The following TRAK1 variants were observed in gnomAD, a reference collection of about 807,000 sequenced individuals.
TRAK1 encodes trafficking kinesin-binding protein 1.
A neutral mutation model predicts 92.1 loss-of-function variants in TRAK1; 33 were observed. That is an observed-to-expected ratio of 0.36 (90% confidence interval 0.27 to 0.48). The LOEUF (loss-of-function observed/expected upper bound fraction) is 0.48, where lower values mean the gene tolerates loss of function less well. Among genes scored for constraint, TRAK1 ranks in the 20% least tolerant of loss-of-function variants. The pLI, the probability that TRAK1 is intolerant of heterozygous loss-of-function variation, is 0.99. For missense variants in TRAK1, 1,123 were observed against 1,257.9 expected, an observed-to-expected ratio of 0.89 and a Z score of 1.62; for synonymous variants, 521 against 517.3, an observed-to-expected ratio of 1.01 and a Z score of -0.10.
Position 42,199,262 on chromosome 3 carries a change from A to T in TRAK1, c.1190+9A>T. 1.2e-6 allele frequency: 2 copies of T among 1,613,824 alleles called. No individual in the cohort carries two copies. Among genetic ancestry groups the T allele is most frequent in the Non-Finnish European group, 1.7e-6 (2 of 1,179,884 alleles). ...GAGTCTCCAGACATCACGTACGGCC[A>T]CAGTTTTTACAGTTTTGAGATTCCC... On this transcript the variant is annotated intron_variant, in intron 11 of 15. Transcript: ENST00000327628.
At chr3:42,105,600 A>T (rs1338433439) in intron 1 of TRAK1, among the ~76,000 whole-genome samples, 1 of 152,216 alleles carries the variant, frequency 6.6e-6, no homozygotes, top group Admixed American at 6.5e-5. Flanking sequence ...ACTCTTCAGG[A>T]TATTATCCAG....
chr3:42,015,182 G>A (rs1701469930), intron 1 of TRAK1, among the ~76,000 whole-genome samples: 1 of 152,188 alleles, frequency 6.6e-6, no homozygotes, highest in African/African-American at 2.4e-5. Flanking sequence ...GGTTTGGAAT[G>A]GTCATACTCG....
At position 42,223,365 on chromosome 3, in the gene TRAK1, C is replaced by T. The variant is rs1197921016; in HGVS notation, c.2490C>T (p.Ser830=). Residue 830 remains serine, a synonymous_variant, in exon 16 of 16, where the codon AGC becomes AGT. Transcript: ENST00000327628. This position sits in a 1 kb window ranked among gnomAD's most constrained non-coding sequence, Gnocchi z 6.1. ...TGAGAGAAAAGAACGTCCGCAGCAG[C>T]GAGAGCCAGACCGACGTGTCCGTCT... ...REVREKNVRS[S]ESQTDVSVSN... is the part of the protein sequence containing the mutation. The T allele has an allele frequency of 5.6e-6, 9 of 1,614,222 alleles. No individual in the cohort carries two copies. Among genetic ancestry groups the T allele is most frequent in the Non-Finnish European group, 6.8e-6 (8 of 1,180,050 alleles).
At chr3:42,099,353 G>T (rs1288975275) in intron 1 of TRAK1, among the ~76,000 whole-genome samples, 1 of 152,166 alleles carries the variant, frequency 6.6e-6, no homozygotes, top group Non-Finnish European at 1.5e-5. Flanking sequence ...GGGAGGAAAT[G>T]AGAGGGGGAG....
intron 2 of TRAK1, among the ~76,000 whole-genome samples, chr3:42,170,523 T>G (rs770769583): frequency 6.6e-6 from 1 of 152,194 alleles, no homozygotes; most frequent in Non-Finnish European, 1.5e-5. Flanking sequence ...CATTCTTTTC[T>G]TTGGCACCTA....
At chr3:42,039,442 C>A (rs1702452525) in intron 1 of TRAK1, among the ~76,000 whole-genome samples, 1 of 152,218 alleles carries the variant, frequency 6.6e-6, no homozygotes, top group Non-Finnish European at 1.5e-5. Flanking sequence ...CAGCTTACTG[C>A]AACTTCCGCC....
At chr3:42,134,987 G>T (rs1697760490) in intron 2 of TRAK1, among the ~76,000 whole-genome samples, 2 of 151,934 alleles carry the variant, frequency 1.3e-5, no homozygotes, top group African/African-American at 2.4e-5. Flanking sequence ...CAATCCTCCT[G>T]CCTTTCCTTC....
At chr3:42,134,949 A>G (rs1697752613) in intron 2 of TRAK1, among the ~76,000 whole-genome samples, 1 of 150,364 alleles carries the variant, frequency 6.7e-6, no homozygotes, top group Admixed American at 6.6e-5. Context: ...ATTATAGCTT[A>G]CTGCAGCCTC....
chr3:42,174,347 T>C (rs1702925912), intron 2 of TRAK1, among the ~76,000 whole-genome samples: 1 of 152,290 alleles, frequency 6.6e-6, no homozygotes, highest in East Asian at 1.9e-4. Context: ...AATACACACA[T>C]GTGCACACAA....
At chr3:42,133,501 G>A (rs75885251) in intron 2 of TRAK1, among the ~76,000 whole-genome samples, 4,385 of 152,284 alleles carry the variant, frequency 0.029, 227 homozygotes, top group African/African-American at 0.1. Context: ...GACTACAGGT[G>A]CATACTGCTG....
intron 1 of TRAK1, chr3:42,014,125 A>G (rs1701417016): frequency 6.6e-6 from 1 of 152,052 alleles, no homozygotes; most frequent in Non-Finnish European, 1.5e-5. Flanking sequence ...CGGGTAAGCC[A>G]GGGGTCCGCT....
intron 2 of TRAK1, among the ~76,000 whole-genome samples, chr3:42,138,954 A>C (rs4974007): frequency 7.1e-6 from 1 of 141,580 alleles, no homozygotes; most frequent in African/African-American, 2.8e-5. Context: ...TGGAACATCA[A>C]AGAGTCTGTT....
chr3:42,039,483 C>T (rs1174619350), intron 1 of TRAK1, among the ~76,000 whole-genome samples: 1 of 152,154 alleles, frequency 6.6e-6, no homozygotes, highest in Non-Finnish European at 1.5e-5. Flanking sequence ...CCTGCCTCAG[C>T]CTTCCAAGTA....
chr3:42,109,257 G>A (rs977563843), intron 1 of TRAK1, among the ~76,000 whole-genome samples: 2 of 152,140 alleles, frequency 1.3e-5, no homozygotes, highest in Non-Finnish European at 2.9e-5. Context: ...TATTACTGAT[G>A]TGTTTGTTAT....
intron 1 of TRAK1, among the ~76,000 whole-genome samples, chr3:42,063,984 A>G (rs920109698): frequency 2.6e-5 from 4 of 152,220 alleles, no homozygotes; most frequent in Admixed American, 6.5e-5. Context: ...TCCAGCCAGC[A>G]TGTGAGAAGC....
intron 15 of TRAK1, among the ~76,000 whole-genome samples, chr3:42,221,335 C>CG (rs1710326394): frequency 1.3e-5 from 2 of 152,062 alleles, no homozygotes; most frequent in Non-Finnish European, 2.9e-5. Flanking sequence ...CCGAGTCCCC[C>CG]AGCCCACCAG....
intron 2 of TRAK1, among the ~76,000 whole-genome samples, chr3:42,126,219 C>T (rs1182821582): frequency 4.0e-5 from 6 of 151,790 alleles, no homozygotes; most frequent in African/African-American, 7.3e-5. Context: ...AATACAAATC[C>T]TTAGAAACTC....
At chr3:42,056,592 A>C (rs1703214947) in intron 1 of TRAK1, among the ~76,000 whole-genome samples, 1 of 152,212 alleles carries the variant, frequency 6.6e-6, no homozygotes, top group Non-Finnish European at 1.5e-5. Context: ...CTGATTATTA[A>C]AGAGATTATT....
intron 14 of TRAK1, chr3:42,212,009 C>T: frequency 2.0e-6 from 2 of 985,372 alleles, no homozygotes; most frequent in Non-Finnish European, 2.4e-6. Context: ...TAAGGCTCAT[C>T]TTTAAAAACT....
Sources: allele counts gnomAD v4.1 joint callset (sites outside exome capture counted in the v4.1 genomes callset), GRCh38; gene constraint gnomAD v4.1.1; non-coding constraint Gnocchi (gnomAD v3.1); transcripts MANE v1.5; gene names NCBI Gene and HGNC (gene_info 2026-07-23, HGNC 2026-07-21).